Variants in RCN2 observed in about 807,000 individuals in gnomAD.
RCN2 encodes reticulocalbin 2.
Under a neutral mutation model 37.5 loss-of-function variants are expected in RCN2, and 23 were observed. The observed-to-expected ratio is 0.61, with a 90% CI of 0.44 to 0.87. The LOEUF (loss-of-function observed/expected upper bound fraction) is 0.87. RCN2 is among the 40% of genes least tolerant of loss of function. The pLI, the probability that RCN2 is intolerant of heterozygous loss-of-function variation, is 0.00. For missense variants in RCN2, 381 were observed against 390.4 expected (o/e 0.98, Z 0.20); for synonymous variants, 140 against 144.6 (o/e 0.97, Z 0.23).
At chr15:76,943,946 G>T in intron 4 of RCN2, 75 bp downstream of exon 4, 1 of 686,610 alleles carries the variant, frequency 1.5e-6, no homozygotes, top group Non-Finnish European at 2.5e-6. Flanking sequence ...ATTTTTGTGG[G>T]TACATAGTAG....
intron 3 of RCN2, among the ~76,000 whole-genome samples, chr15:76,938,374 T>C (rs1043044312): frequency 6.6e-6 from 1 of 152,240 alleles, no homozygotes; most frequent in African/African-American, 2.4e-5. Context: ...ATGCAAATGC[T>C]ATGCCACTTT....
rs2075328291 is a variant in RCN2, at chr15:76,952,967, CT to C, written c.*3747del. ...TTCTTTTTTGAGACGGAGTCTCACT[CT>C]TGTCATCCAGGCTGGAGTGCAGTGG... On this transcript the variant is annotated 3_prime_UTR_variant, in exon 7 of 7. Transcript: ENST00000394885. The C allele has an allele frequency of 2.0e-5, 3 of 149,240 alleles. No individual in the cohort carries two copies. Among genetic ancestry groups the C allele is most frequent in the Admixed American group, 1.4e-4 (2 of 14,790 alleles). 9.2% of individuals were successfully genotyped at this position (149,240 alleles called of 1,614,324 possible).
At chr15:76,936,375 G>A (rs530687108) in intron 3 of RCN2, among the ~76,000 whole-genome samples, 37 of 152,180 alleles carry the variant, frequency 2.4e-4, no homozygotes, top group Non-Finnish European at 4.6e-4. Context: ...ATTTTTCCAC[G>A]GGACAGTGTG....
At chr15:76,948,698 G>A (rs545112302) in intron 6 of RCN2, 146 bp downstream of exon 6, 37 of 711,402 alleles carry the variant, frequency 5.2e-5, no homozygotes, top group South Asian at 4.0e-4. Flanking sequence ...TTGAATTTAC[G>A]AACTGTTTAG....
At chr15:76,939,991 AC>A (rs2075270341) in intron 3 of RCN2, among the ~76,000 whole-genome samples, 1 of 152,224 alleles carries the variant, frequency 6.6e-6, no homozygotes, top group Non-Finnish European at 1.5e-5. Context: ...TCCACCAGCT[AC>A]TTAGAATGTG....
At chr15:76,941,546 C>G (rs1212152589) in intron 3 of RCN2, 7 of 578,046 alleles carry the variant, frequency 1.2e-5, no homozygotes, top group Non-Finnish European at 2.0e-5. Flanking sequence ...CACTTTTTAC[C>G]CTCTACTAGA....
intron 4 of RCN2, among the ~76,000 whole-genome samples, chr15:76,944,669 T>G (rs996895123): frequency 6.6e-6 from 1 of 152,230 alleles, no homozygotes; most frequent in Admixed American, 6.5e-5. Flanking sequence ...GATCTCCAGT[T>G]CATCCATGCT....
chr15:76,943,179 C>T (rs2152651015), intron 3 of RCN2: 1 of 152,396 alleles, frequency 6.6e-6, no homozygotes, highest in Middle Eastern at 3.4e-3. Context: ...CAGTATAGTA[C>T]TGTAGAAAGA....
rs1039800643 is a variant in RCN2, at chr15:76,949,137, A to G, written c.869A>G (p.Glu290Gly). 6.2e-7 allele frequency: 1 copy of G among 1,613,324 alleles called. No homozygotes were observed. The highest frequency in any genetic ancestry group is 1.3e-5 in the African/African-American group (1 of 74,882). The stretch of plus-strand genomic sequence containing the variant: ...AAGCTCTCTGAAGAAGAGATTCTGG[A>G]AAACCCGGACTTGTTTCTCACCAGT... ...DKKLSEEEIL[E>G]NPDLFLTSEA... is the part of the protein sequence containing the mutation. Residue 290 changes from glutamate to glycine, a missense_variant, in exon 7 of 7, where the codon GAA (glutamate) becomes GGA (glycine). Coordinates refer to ENST00000394885, the MANE Select transcript of RCN2 (RefSeq NM_002902.3).
chr15:76,941,780 ATC>A, intron 3 of RCN2: 1 of 651,366 alleles, frequency 1.5e-6, no homozygotes, highest in Non-Finnish European at 2.4e-6. Flanking sequence ...TTTTAAAGAA[ATC>A]TCAGCTTGTT....
rs147052567 is a variant in RCN2, at chr15:76,934,790, AAAAT to A, written c.251-730_251-727del. Among the ~76,000 whole-genome samples the A allele has an allele frequency of 6.7e-3, 1,023 of 152,326 alleles. 7 individuals carry two copies. Among genetic ancestry groups the A allele is most frequent in the Non-Finnish European group, 8.5e-3 (581 of 68,026 alleles). ...AACACTGTTTTTTCTCATACATACTAAAATAAATAGCTATCAAAATATTTATGCT... is the reference window on the plus strand; with the variant it reads ...AACACTGTTTTTTCTCATACATACTAAAATAGCTATCAAAATATTTATGCT... On this transcript the variant is annotated intron_variant, in intron 2 of 6. Coordinates refer to ENST00000394885, the MANE Select transcript of RCN2 (RefSeq NM_002902.3).
chr15:76,942,621 A>C (rs1206469680), intron 3 of RCN2: 1 of 152,230 alleles, frequency 6.6e-6, no homozygotes, highest in Non-Finnish European at 1.5e-5. Flanking sequence ...GAATATACAG[A>C]ATTAACACTA....
At chr15:76,932,332 G>C (rs1469670537) in intron 1 of RCN2, 29 bp from the exon 2 acceptor site, 1 of 1,538,166 alleles carries the variant, frequency 6.5e-7, no homozygotes, top group East Asian at 2.3e-5. Flanking sequence ...GTAATGCTTG[G>C]CCCTCCTGTG....
Position 76,933,671 on chromosome 15 carries a change from C to A in RCN2, c.250+1205C>A, listed in dbSNP as rs188618319. Among the ~76,000 whole-genome samples, 263 of 152,266 alleles carry A rather than the reference C, an allele frequency of 1.7e-3. 2 individuals are homozygous for A. The highest frequency in any genetic ancestry group is 5.6e-3 in the African/African-American group (233 of 41,550). On this transcript the variant is annotated intron_variant, in intron 2 of 6. Transcript: ENST00000394885. ...AAAAGCTTGAGATGGTAAACTACCC[C>A]CTGATGGCAAAGCTGAAGTGTGAAC...
intron 5 of RCN2, 69 bp downstream of exon 5, chr15:76,947,586 C>A: frequency 1.0e-6 from 1 of 973,182 alleles, no homozygotes; most frequent in South Asian, 1.4e-5. Flanking sequence ...CAGCCTTGCT[C>A]ATTGAAAGCT....
At chr15:76,935,312 G>A (rs1321394946) in intron 2 of RCN2, among the ~76,000 whole-genome samples, 1 of 152,108 alleles carries the variant, frequency 6.6e-6, no homozygotes, top group East Asian at 1.9e-4. Flanking sequence ...GTGAAAGAGC[G>A]AGACTCCATC....
intron 1 of RCN2, 139 bp downstream of exon 1, chr15:76,932,124 C>T (rs1051431775): frequency 1.1e-6 from 1 of 882,046 alleles, no homozygotes; most frequent in Non-Finnish European, 1.6e-6. Flanking sequence ...GCGCGGCACT[C>T]GCTCTCTGGG....
chr15:76,939,060 A>G (rs1447938449), intron 3 of RCN2, among the ~76,000 whole-genome samples: 1 of 152,054 alleles, frequency 6.6e-6, no homozygotes, highest in Non-Finnish European at 1.5e-5. Context: ...CTAGTTAACA[A>G]ATGCCCAAAC....
chr15:76,935,301 G>A (rs892441894), intron 2 of RCN2, among the ~76,000 whole-genome samples: 1 of 152,146 alleles, frequency 6.6e-6, no homozygotes, highest in African/African-American at 2.4e-5. Context: ...CTCCAGCATG[G>A]GTGAAAGAGC....
Sources: gnomAD v4.1 joint callset for allele counts (sites outside exome capture counted in the v4.1 genomes callset) on GRCh38, gnomAD v4.1.1 for gene constraint, MANE v1.5 for transcripts, NCBI Gene and HGNC (gene_info 2026-07-23, HGNC 2026-07-21) for gene names.